The following RHOJ variants were observed in gnomAD, a reference collection of about 807,000 sequenced individuals.
RHOJ encodes the protein ras homolog family member J.
Under a neutral mutation model 23.4 loss-of-function variants are expected in RHOJ, and 11 were observed. The ratio of observed to expected loss-of-function variants is 0.47; its 90% CI spans 0.30 to 0.78. RHOJ has a LOEUF of 0.78. Ranked by LOEUF, RHOJ falls within the 30% of genes least tolerant of loss-of-function variation. RHOJ has a pLI of 0.08. For missense variants in RHOJ, 254 were observed against 273.4 expected (o/e 0.93, Z 0.50); for synonymous variants, 102 against 102.7 (o/e 0.99, Z 0.04).
chr14:63,286,796 G>C (rs17100979), intron 4 of RHOJ, among the ~76,000 whole-genome samples: 25,249 of 152,092 alleles, frequency 0.17, 4,043 homozygotes, highest in African/African-American at 0.42. Context: ...ACATTATCCA[G>C]CCTTGAATTG....
intron 1 of RHOJ, among the ~76,000 whole-genome samples, chr14:63,251,180 A>G (rs959099830): frequency 6.6e-6 from 1 of 152,184 alleles, no homozygotes; most frequent in South Asian, 2.1e-4. Context: ...CTTCCAAACT[A>G]TAAGCTCCCT....
intron 1 of RHOJ, among the ~76,000 whole-genome samples, chr14:63,259,740 G>T (rs1895240510): frequency 6.6e-6 from 1 of 152,030 alleles, no homozygotes; most frequent in Non-Finnish European, 1.5e-5. Flanking sequence ...CAGCAGACAT[G>T]AATATTTCTT....
chr14:63,247,013 C>A (rs1267349804), intron 1 of RHOJ, among the ~76,000 whole-genome samples: 2 of 152,148 alleles, frequency 1.3e-5, no homozygotes, highest in African/African-American at 4.8e-5. Context: ...CTCCATTTTA[C>A]AGATTTTGAG....
At chr14:63,219,614 A>G (rs962629117) in intron 1 of RHOJ, among the ~76,000 whole-genome samples, 3 of 152,160 alleles carry the variant, frequency 2.0e-5, no homozygotes, top group Non-Finnish European at 4.4e-5. Context: ...TCAGGAGATC[A>G]AGACCATCCT....
At chr14:63,276,402 A>G (rs1486848853) in intron 2 of RHOJ, among the ~76,000 whole-genome samples, 1 of 152,196 alleles carries the variant, frequency 6.6e-6, no homozygotes, top group Admixed American at 6.5e-5. Context: ...TTCCATTTTG[A>G]GATTAGCCAG....
chr14:63,215,218 G>A (rs1894328629), intron 1 of RHOJ, among the ~76,000 whole-genome samples: 1 of 152,154 alleles, frequency 6.6e-6, no homozygotes, highest in African/African-American at 2.4e-5. Flanking sequence ...CCTCTACTTA[G>A]GTCTTCCTGA....
intron 1 of RHOJ, among the ~76,000 whole-genome samples, chr14:63,240,630 G>C (rs1183037473): frequency 5.3e-5 from 8 of 152,256 alleles, no homozygotes; most frequent in Admixed American, 5.2e-4. Flanking sequence ...ATACCCAGCA[G>C]AAGCTGTCAA....
chr14:63,259,073 G>A (rs1351714411), intron 1 of RHOJ, among the ~76,000 whole-genome samples: 1 of 152,146 alleles, frequency 6.6e-6, no homozygotes, highest in Non-Finnish European at 1.5e-5. Context: ...CTAAATGGCT[G>A]GAATTACAGG....
chr14:63,228,233 T>C (rs1894630058), intron 1 of RHOJ, among the ~76,000 whole-genome samples: 1 of 152,244 alleles, frequency 6.6e-6, no homozygotes, highest in East Asian at 1.9e-4. Flanking sequence ...TGTTGGATTA[T>C]CTTTCTTAAA....
chr14:63,269,249 C>G (rs1895423439), intron 2 of RHOJ, 81 bp downstream of exon 2: 2 of 979,418 alleles, frequency 2.0e-6, no homozygotes, highest in South Asian at 2.6e-5. Flanking sequence ...AGATGGGACT[C>G]ATAGCACAGA....
intron 1 of RHOJ, among the ~76,000 whole-genome samples, chr14:63,248,932 C>A (rs1328916205): frequency 2.0e-5 from 3 of 152,166 alleles, no homozygotes; most frequent in African/African-American, 7.2e-5. Flanking sequence ...ACTTCCCCCG[C>A]ATCTCCACCC....
At chr14:63,225,583 C>A (rs143592313) in intron 1 of RHOJ, among the ~76,000 whole-genome samples, 131 of 152,124 alleles carry the variant, frequency 8.6e-4, no homozygotes, top group African/African-American at 3.0e-3. Context: ...CTCTTCTGTT[C>A]CTGAAAACTA....
intron 1 of RHOJ, among the ~76,000 whole-genome samples, chr14:63,237,029 G>T (rs971776195): frequency 6.6e-6 from 1 of 152,130 alleles, no homozygotes; most frequent in African/African-American, 2.4e-5. Flanking sequence ...AACATGTTCA[G>T]TACAGATGCA....
intron 4 of RHOJ, among the ~76,000 whole-genome samples, chr14:63,287,585 G>C (rs563487413): frequency 6.8e-6 from 1 of 147,600 alleles, no homozygotes; most frequent in Non-Finnish European, 1.5e-5. Context: ...TCTTTTACTT[G>C]ATTAGTCATT....
chr14:63,245,059 C>T (rs1363375557), intron 1 of RHOJ, among the ~76,000 whole-genome samples: 1 of 152,224 alleles, frequency 6.6e-6, no homozygotes, highest in Non-Finnish European at 1.5e-5. Flanking sequence ...ATATCACTGT[C>T]TTTAACTGTA....
intron 1 of RHOJ, among the ~76,000 whole-genome samples, chr14:63,222,456 T>A (rs951800058): frequency 2.6e-5 from 4 of 152,154 alleles, no homozygotes; most frequent in African/African-American, 9.7e-5. Flanking sequence ...GTAAAAGTGT[T>A]CCTATTTCTC....
At chr14:63,240,310 T>G (rs1467233988) in intron 1 of RHOJ, among the ~76,000 whole-genome samples, 1 of 152,202 alleles carries the variant, frequency 6.6e-6, no homozygotes, top group African/African-American at 2.4e-5. Flanking sequence ...AGATGCACAT[T>G]TATTATTGTC....
chr14:63,260,817 A>G (rs1895258542), intron 1 of RHOJ, among the ~76,000 whole-genome samples: 1 of 152,014 alleles, frequency 6.6e-6, no homozygotes, highest in Admixed American at 6.5e-5. Flanking sequence ...AGACTTACAT[A>G]TACACATTGT....
intron 1 of RHOJ, among the ~76,000 whole-genome samples, chr14:63,267,378 G>A (rs1485779134): frequency 1.3e-5 from 2 of 152,212 alleles, no homozygotes; most frequent in South Asian, 4.1e-4. Context: ...TGCCCAGTGG[G>A]GCAGTGAGGA....
Sources: allele counts gnomAD v4.1 joint callset (sites outside exome capture counted in the v4.1 genomes callset), GRCh38; gene constraint gnomAD v4.1.1; transcripts MANE v1.5; gene names NCBI Gene and HGNC (gene_info 2026-07-23, HGNC 2026-07-21).